LPP: variants seen among roughly 807,000 people sequenced by gnomAD.
LPP encodes the protein lipoma-preferred partner.
LPP carries 38 observed loss-of-function variants against 60.4 expected under a neutral mutation model. The ratio of observed to expected loss-of-function variants is 0.63; its 90% CI spans 0.49 to 0.83. LPP has a LOEUF of 0.83. Ranked by LOEUF, LPP falls within the 40% of genes least tolerant of loss-of-function variation. The probability of loss-of-function intolerance (pLI) is 0.00; values close to 1 mark genes in which losing one functional copy is unlikely to be tolerated. For missense variants in LPP, 902 were observed against 783.6 expected (o/e 1.15, Z -1.80); for synonymous variants, 328 against 290.8 (o/e 1.13, Z -1.30).
At chr3:188,755,511 T>C (rs1729830347) in intron 8 of LPP, among the ~76,000 whole-genome samples, 1 of 151,988 alleles carries the variant, frequency 6.6e-6, no homozygotes, top group African/African-American at 2.4e-5. Context: ...AGAAAATAAA[T>C]ATGACAACCC....
intron 4 of LPP, among the ~76,000 whole-genome samples, chr3:188,442,662 T>C (rs1794292289): frequency 6.6e-6 from 1 of 152,206 alleles, no homozygotes; most frequent in Non-Finnish European, 1.5e-5. Context: ...GAAGTGGCTT[T>C]CTTTTGCTTT....
intron 7 of LPP, among the ~76,000 whole-genome samples, chr3:188,657,169 A>G (rs997278182): frequency 6.7e-6 from 1 of 149,282 alleles, no homozygotes; most frequent in Admixed American, 6.7e-5. Context: ...CTATATCTGA[A>G]TTCAATTATT....
At chr3:188,422,095 C>G (rs1203490135) in intron 4 of LPP, among the ~76,000 whole-genome samples, 1 of 152,124 alleles carries the variant, frequency 6.6e-6, no homozygotes, top group Non-Finnish European at 1.5e-5. Flanking sequence ...TTTGCTCTGG[C>G]CTTGACCAAT....
At chr3:188,159,195 G>A (rs759668557) in intron 1 of LPP, among the ~76,000 whole-genome samples, 2 of 152,252 alleles carry the variant, frequency 1.3e-5, no homozygotes, top group Non-Finnish European at 2.9e-5. Flanking sequence ...TCACGGCTCC[G>A]GTAACGGTGC....
chr3:188,730,211 A>T (rs1026610883), intron 8 of LPP, among the ~76,000 whole-genome samples: 3 of 152,206 alleles, frequency 2.0e-5, no homozygotes, highest in Non-Finnish European at 4.4e-5. Context: ...CCTGATGCTT[A>T]CTTAAGAGGT....
At chr3:188,248,468 T>TTATATATATATATATA (rs55811112) in intron 2 of LPP, among the ~76,000 whole-genome samples, 1,150 of 83,968 alleles carry the variant, frequency 0.014, 71 homozygotes, top group South Asian at 0.025. Flanking sequence ...CAGTATAACT[T>TTATATATATATATATA]TATATATATA....
chr3:188,804,994 A>G (rs1413572115), intron 9 of LPP, among the ~76,000 whole-genome samples: 1 of 152,002 alleles, frequency 6.6e-6, no homozygotes, highest in African/African-American at 2.4e-5. Flanking sequence ...ATGGTAGGTA[A>G]CACTGGTTAA....
chr3:188,808,008 G>T (rs1033932229), intron 9 of LPP, among the ~76,000 whole-genome samples: 5 of 152,038 alleles, frequency 3.3e-5, no homozygotes, highest in African/African-American at 7.2e-5. Flanking sequence ...CTTTTCTTTT[G>T]TTAGGCCTTT....
intron 9 of LPP, among the ~76,000 whole-genome samples, chr3:188,817,840 A>G (rs1434973324): frequency 6.6e-6 from 1 of 152,242 alleles, no homozygotes; most frequent in East Asian, 1.9e-4. Context: ...GGCTCACCGC[A>G]AAGGAATGCA....
intron 4 of LPP, among the ~76,000 whole-genome samples, chr3:188,459,393 G>A (rs1015203214): frequency 6.6e-6 from 1 of 152,040 alleles, no homozygotes; most frequent in Non-Finnish European, 1.5e-5. Flanking sequence ...ATAGAGAGAG[G>A]TACATTATCA....
chr3:188,742,660 G>A (rs1001335086), intron 8 of LPP, among the ~76,000 whole-genome samples: 2 of 152,076 alleles, frequency 1.3e-5, no homozygotes, highest in South Asian at 4.1e-4. Flanking sequence ...TGGGAGTGGG[G>A]AAAGGATTGA....
chr3:188,372,814 G>A (rs59829010), intron 3 of LPP, among the ~76,000 whole-genome samples: 1,690 of 151,552 alleles, frequency 0.011, 29 homozygotes, highest in African/African-American at 0.037. Flanking sequence ...CCATTAACTC[G>A]TCATTTAGCA....
At chr3:188,529,158 A>T (rs983302677) in intron 6 of LPP, among the ~76,000 whole-genome samples, 3 of 152,220 alleles carry the variant, frequency 2.0e-5, no homozygotes, top group African/African-American at 7.2e-5. Flanking sequence ...TTTATTGGTT[A>T]ACATAATTAT....
intron 4 of LPP, among the ~76,000 whole-genome samples, chr3:188,409,543 A>G (rs1053165186): frequency 6.6e-6 from 1 of 152,186 alleles, no homozygotes; most frequent in African/African-American, 2.4e-5. Context: ...CATTTAAACA[A>G]TTTATAACCA....
rs796919649 is a variant in LPP, at chr3:188,882,281, GGAA to G, written c.*7803_*7805del. The G allele has an allele frequency of 3.9e-4, 88 of 223,576 alleles. 1 individual carries two copies. Among genetic ancestry groups the G allele is most frequent in the African/African-American group, 1.9e-3 (86 of 44,884 alleles). The allele number at this position is 223,576 out of a possible 1,614,324, so 13.8% of individuals were successfully genotyped here. A position where few individuals can be genotyped will look rare whatever the true frequency, so the allele number is the denominator to read the frequency against. Reference sequence around the variant, plus strand: ...GAAAAGAGTATTTAAGGCACAACAGGGAAACATGGGCTATACTCAGAGAAGACC... The same window carrying G: ...GAAAAGAGTATTTAAGGCACAACAGGACATGGGCTATACTCAGAGAAGACC... On this transcript the variant is annotated 3_prime_UTR_variant, in exon 12 of 12. Transcript: ENST00000617246.
intron 3 of LPP, among the ~76,000 whole-genome samples, chr3:188,392,287 G>T (rs1779892405): frequency 6.6e-6 from 1 of 152,210 alleles, no homozygotes; most frequent in African/African-American, 2.4e-5. Context: ...AGACCCTGAG[G>T]TGGGAGAGTA....
At chr3:188,327,623 C>T (rs1758810688) in intron 2 of LPP, among the ~76,000 whole-genome samples, 1 of 152,100 alleles carries the variant, frequency 6.6e-6, no homozygotes, top group Non-Finnish European at 1.5e-5. Flanking sequence ...TTTTTACTGA[C>T]CAGTGGCCTC....
chr3:188,711,400 A>G (rs537208549), intron 8 of LPP: 2 of 152,320 alleles, frequency 1.3e-5, no homozygotes, highest in Admixed American at 1.3e-4. Flanking sequence ...CCTAATGTCA[A>G]CAGCTAATAC....
intron 9 of LPP, among the ~76,000 whole-genome samples, chr3:188,768,406 CA>C (rs1387829231): frequency 6.6e-6 from 1 of 152,096 alleles, no homozygotes; most frequent in Non-Finnish European, 1.5e-5. Context: ...GAAATATTAG[CA>C]AATTGAATAC....
Sources: allele counts gnomAD v4.1 joint callset (sites outside exome capture counted in the v4.1 genomes callset), GRCh38; gene constraint gnomAD v4.1.1; transcripts MANE v1.5; gene names NCBI Gene and HGNC (gene_info 2026-07-23, HGNC 2026-07-21).